Variants in BABAM2 observed in about 807,000 individuals in gnomAD.
The protein encoded by BABAM2 is BRISC and BRCA1-A complex member 2.
Under a neutral mutation model 54.7 loss-of-function variants are expected in BABAM2, and 31 were observed. The ratio of observed to expected loss-of-function variants is 0.57; its 90% CI spans 0.43 to 0.77. The LOEUF is 0.77. Ranked by LOEUF, BABAM2 falls within the 30% of genes least tolerant of loss-of-function variation. The pLI is 0.00. For synonymous variants in BABAM2, 167 were observed against 162.9 expected, an observed-to-expected ratio of 1.03 and a Z score of -0.19; for missense variants, 364 against 455.8, an observed-to-expected ratio of 0.80 and a Z score of 1.83.
chr2:28,037,757 C>T (rs546537859), intron 5 of BABAM2, among the ~76,000 whole-genome samples: 60 of 152,240 alleles, frequency 3.9e-4, no homozygotes, highest in South Asian at 2.9e-3. Context: ...CTTTTTGTCA[C>T]GGCCAAGTAG....
chr2:28,027,613 T>C (rs1411825934), intron 5 of BABAM2, among the ~76,000 whole-genome samples: 3 of 152,238 alleles, frequency 2.0e-5, no homozygotes, highest in African/African-American at 4.8e-5. Context: ...TTGAGGTTCA[T>C]CCATGTTGTG....
Position 28,338,636 on chromosome 2 carries a change from T to C in BABAM2, c.*123T>C. ...GGCAGCGTTTTGCTCACACAGCAGC[T>C]TTTGCACGCCCCAGGCAGCCCCGAC... On this transcript the variant is annotated 3_prime_UTR_variant, in exon 12 of 12. Coordinates refer to ENST00000379624, the MANE Select transcript of BABAM2 (RefSeq NM_199191.3). 8.4e-7 allele frequency: 1 copy of C among 1,185,976 alleles called. No individual in the cohort carries two copies. The highest frequency in any genetic ancestry group is 1.2e-6 in the Non-Finnish European group (1 of 808,006). 73.5% of individuals were successfully genotyped at this position (1,185,976 alleles called of 1,614,324 possible). A position where few individuals can be genotyped will look rare whatever the true frequency, so the allele number is the denominator to read the frequency against.
chr2:28,286,554 T>A (rs1558501320), intron 10 of BABAM2, among the ~76,000 whole-genome samples: 1 of 152,166 alleles, frequency 6.6e-6, no homozygotes, highest in Non-Finnish European at 1.5e-5. Flanking sequence ...GGTGACTGCT[T>A]AATACTTTTC....
rs1010785617 is a variant in BABAM2 at position 27,995,130 on chromosome 2, C to T, written c.300+7043C>T. ...TTGTTGGAGAGGGTGTGGCTGCAGGCTACGGGAAGATGAAGACCTTCACTG... is the reference window on the plus strand; with the variant it reads ...TTGTTGGAGAGGGTGTGGCTGCAGGTTACGGGAAGATGAAGACCTTCACTG... On this transcript the variant is annotated intron_variant, in intron 4 of 11. Coordinates refer to ENST00000379624, the MANE Select transcript of BABAM2 (RefSeq NM_199191.3). This position sits in a 1 kb window ranked among gnomAD's most constrained non-coding sequence, Gnocchi z 4.1. Among the ~76,000 whole-genome samples the T allele has an allele frequency of 4.6e-5, 7 of 152,152 alleles. No individual in the cohort carries two copies. The highest frequency in any genetic ancestry group is 1.3e-4 in the Admixed American group (2 of 15,282).
At chr2:27,941,364 G>A (rs899411824) in intron 3 of BABAM2, among the ~76,000 whole-genome samples, 5 of 152,084 alleles carry the variant, frequency 3.3e-5, no homozygotes, top group African/African-American at 1.2e-4. Flanking sequence ...GGAGTTGCCT[G>A]GCCAACATAG....
chr2:28,227,940 A>G (rs115195822), intron 7 of BABAM2, among the ~76,000 whole-genome samples: 3 of 151,958 alleles, frequency 2.0e-5, no homozygotes, highest in Non-Finnish European at 2.9e-5. Flanking sequence ...GATTATTCTT[A>G]AGCAAATATG....
chr2:28,073,079 G>A (rs1350094566), intron 6 of BABAM2, among the ~76,000 whole-genome samples: 2 of 152,156 alleles, frequency 1.3e-5, no homozygotes, highest in South Asian at 2.1e-4. Context: ...AGCTGGCTCT[G>A]CCGTTTATCA....
intron 2 of BABAM2, among the ~76,000 whole-genome samples, chr2:27,912,572 T>C (rs1454115735): frequency 6.6e-6 from 1 of 152,138 alleles, no homozygotes; most frequent in Non-Finnish European, 1.5e-5. Context: ...GAATTATAGG[T>C]AGATTGGCAG....
intron 2 of BABAM2, among the ~76,000 whole-genome samples, chr2:27,921,363 TATC>T (rs1667335317): frequency 6.6e-6 from 1 of 152,194 alleles, no homozygotes; most frequent in East Asian, 1.9e-4. Context: ...CTTAATAAAA[TATC>T]ATTTGTTGAA....
chr2:28,134,969 C>T (rs1305637603), intron 7 of BABAM2, among the ~76,000 whole-genome samples: 1 of 152,138 alleles, frequency 6.6e-6, no homozygotes, highest in East Asian at 1.9e-4. Context: ...CTTAAGTTAA[C>T]GTTTTTGAGC....
intron 4 of BABAM2, among the ~76,000 whole-genome samples, chr2:28,020,357 A>C (rs1047612400): frequency 1.3e-5 from 2 of 152,372 alleles, no homozygotes; most frequent in Admixed American, 1.3e-4. Context: ...TATTTCCATT[A>C]TGAAAGTATG....
At chr2:28,112,190 C>T (rs1317122642) in intron 6 of BABAM2, among the ~76,000 whole-genome samples, 3 of 72,256 alleles carry the variant, frequency 4.2e-5, no homozygotes, top group African/African-American at 1.1e-4. Flanking sequence ...TCCCTCCCTC[C>T]CTCCCTCCCT....
At chr2:28,040,263 G>T (rs1159678772) in intron 5 of BABAM2, among the ~76,000 whole-genome samples, 1 of 147,804 alleles carries the variant, frequency 6.8e-6, no homozygotes, top group Non-Finnish European at 1.5e-5. Context: ...AGGTCATAAG[G>T]AAAATCAGTG....
At chr2:28,211,768 G>C (rs1679481969) in intron 7 of BABAM2, among the ~76,000 whole-genome samples, 1 of 151,890 alleles carries the variant, frequency 6.6e-6, no homozygotes. Flanking sequence ...CACAGACATT[G>C]TCATTTCACT....
intron 10 of BABAM2, among the ~76,000 whole-genome samples, chr2:28,260,579 G>A (rs570497926): frequency 6.6e-6 from 1 of 152,248 alleles, no homozygotes; most frequent in South Asian, 2.1e-4. Context: ...TGGAATTACA[G>A]GCGTGAGGCA....
At chr2:28,292,850 G>A (rs553869677) in intron 10 of BABAM2, among the ~76,000 whole-genome samples, 1 of 152,198 alleles carries the variant, frequency 6.6e-6, no homozygotes, top group Admixed American at 6.5e-5. Context: ...TCAGACTCTG[G>A]GGTGAGAAGA....
At chr2:28,148,361 A>C (rs1226829839) in intron 7 of BABAM2, among the ~76,000 whole-genome samples, 1 of 152,128 alleles carries the variant, frequency 6.6e-6, no homozygotes, top group Non-Finnish European at 1.5e-5. Flanking sequence ...GCCCCCCACT[A>C]ATAAGTTGCA....
chr2:27,963,981 A>G (rs1670666217), intron 3 of BABAM2, among the ~76,000 whole-genome samples: 1 of 152,152 alleles, frequency 6.6e-6, no homozygotes, highest in African/African-American at 2.4e-5. Flanking sequence ...GTCCATTGCT[A>G]TGGTTTGAAT....
At chr2:28,165,480 GAGAAAATGGT>G in intron 7 of BABAM2, among the ~76,000 whole-genome samples, 1 of 142,410 alleles carries the variant, frequency 7.0e-6, no homozygotes, top group African/African-American at 2.6e-5. Context: ...GTATGTCTTA[GAGAAAATGGT>G]GGGGGAAGGG....
Sources: gnomAD v4.1 joint callset for allele counts (sites outside exome capture counted in the v4.1 genomes callset) on GRCh38, gnomAD v4.1.1 for gene constraint, Gnocchi (gnomAD v3.1) non-coding constraint, MANE v1.5 for transcripts, NCBI Gene and HGNC (gene_info 2026-07-23, HGNC 2026-07-21) for gene names.